LRP1B: variants seen among roughly 807,000 people sequenced by gnomAD.
LRP1B encodes low-density lipoprotein receptor-related protein 1B.
Under a neutral mutation model 556.6 loss-of-function variants are expected in LRP1B, and 217 were observed. The observed-to-expected ratio is 0.39, with a 90% CI of 0.35 to 0.44. The LOEUF (loss-of-function observed/expected upper bound fraction) is 0.44, where lower values mean the gene tolerates loss of function less well. Among genes scored for constraint, LRP1B ranks in the 20% least tolerant of loss-of-function variants. The pLI is 1.00. For synonymous variants in LRP1B, 2,047 were observed against 1,865.8 expected, an observed-to-expected ratio of 1.10 and a Z score of -2.50; for missense variants, 5,053 against 5,620.8, an observed-to-expected ratio of 0.90 and a Z score of 3.23.
intron 60 of LRP1B, among the ~76,000 whole-genome samples, chr2:140,467,896 T>G (rs1359567114): frequency 1.3e-5 from 2 of 152,104 alleles, no homozygotes; most frequent in Admixed American, 6.6e-5. Context: ...ATAACCAAAA[T>G]GAAAGCAGAA....
At chr2:140,516,622 T>G (rs1221271947) in intron 50 of LRP1B, among the ~76,000 whole-genome samples, 1 of 152,138 alleles carries the variant, frequency 6.6e-6, no homozygotes, top group Non-Finnish European at 1.5e-5. Context: ...GGTATAACTT[T>G]ATTATATCTA....
chr2:140,571,967 T>A (rs1044886364), intron 43 of LRP1B, among the ~76,000 whole-genome samples: 6 of 151,736 alleles, frequency 4.0e-5, no homozygotes, highest in Non-Finnish European at 4.4e-5. Flanking sequence ...ACTAGAACCT[T>A]GTATCTCATC....
At chr2:141,905,562 A>G (rs913638830) in intron 1 of LRP1B, among the ~76,000 whole-genome samples, 3 of 151,716 alleles carry the variant, frequency 2.0e-5, no homozygotes, top group African/African-American at 7.3e-5. Context: ...GAGAAATTGG[A>G]GATAAACTTA....
intron 7 of LRP1B, among the ~76,000 whole-genome samples, chr2:141,143,601 T>C (rs1701710801): frequency 6.6e-6 from 1 of 152,152 alleles, no homozygotes; most frequent in Non-Finnish European, 1.5e-5. Flanking sequence ...GAACATCCTA[T>C]TTTTCAAACA....
At chr2:140,990,609 G>T (rs1023070921) in intron 16 of LRP1B, among the ~76,000 whole-genome samples, 2 of 151,616 alleles carry the variant, frequency 1.3e-5, no homozygotes, top group African/African-American at 4.8e-5. Context: ...AAACAAACAT[G>T]CAACCACAGA....
At chr2:140,660,544 CT>C (rs1049138195) in intron 41 of LRP1B, among the ~76,000 whole-genome samples, 2 of 152,102 alleles carry the variant, frequency 1.3e-5, no homozygotes, top group African/African-American at 4.8e-5. Context: ...CAAAGAGCTC[CT>C]TTTCATATCT....
chr2:141,820,110 C>A (rs914991842), intron 1 of LRP1B, among the ~76,000 whole-genome samples: 13 of 152,066 alleles, frequency 8.5e-5, no homozygotes, highest in African/African-American at 3.1e-4. Context: ...AAAATTATAA[C>A]AACCATGAAA....
intron 67 of LRP1B, among the ~76,000 whole-genome samples, chr2:140,385,479 T>C (rs1268629374): frequency 1.3e-5 from 2 of 152,206 alleles, no homozygotes; most frequent in Non-Finnish European, 2.9e-5. Flanking sequence ...GATATTTCAC[T>C]GAAATATGCT....
At chr2:140,552,906 G>A (rs989468384) in intron 43 of LRP1B, among the ~76,000 whole-genome samples, 12 of 152,076 alleles carry the variant, frequency 7.9e-5, no homozygotes, top group South Asian at 4.1e-4. Context: ...ATTCATAGTC[G>A]CTAGTCACAT....
chr2:140,945,630 T>C (rs1170665777), intron 20 of LRP1B, among the ~76,000 whole-genome samples: 1 of 152,140 alleles, frequency 6.6e-6, no homozygotes, highest in Non-Finnish European at 1.5e-5. Context: ...ATTCAATAAA[T>C]GGCGTTGGGA....
At chr2:141,824,232 T>C (rs1574401991) in intron 1 of LRP1B, among the ~76,000 whole-genome samples, 1 of 152,190 alleles carries the variant, frequency 6.6e-6, no homozygotes, top group African/African-American at 2.4e-5. Context: ...TTTTATTCAA[T>C]GCTTACAAAA....
chr2:141,371,413 T>C (rs971088463), intron 3 of LRP1B, among the ~76,000 whole-genome samples: 1 of 152,118 alleles, frequency 6.6e-6, no homozygotes, highest in Non-Finnish European at 1.5e-5. Context: ...CTGTGAAAAA[T>C]GACATTGGTA....
intron 1 of LRP1B, among the ~76,000 whole-genome samples, chr2:142,000,149 G>A (rs2105134315): frequency 6.6e-6 from 1 of 152,150 alleles, no homozygotes; most frequent in East Asian, 1.9e-4. Context: ...AAGGCCTTAA[G>A]GACACATATT....
At chr2:141,275,426 T>C (rs1057212739) in intron 3 of LRP1B, among the ~76,000 whole-genome samples, 3 of 152,054 alleles carry the variant, frequency 2.0e-5, no homozygotes, top group South Asian at 2.1e-4. Context: ...ATACCAGTAA[T>C]GGTCGGGTGT....
chr2:141,346,770 T>A (rs569340734), intron 3 of LRP1B, among the ~76,000 whole-genome samples: 21 of 152,278 alleles, frequency 1.4e-4, no homozygotes, highest in Non-Finnish European at 2.4e-4. Flanking sequence ...AAGGCTTTTT[T>A]AAAATAGATG....
At chr2:140,744,482 A>T (rs1363162005) in intron 35 of LRP1B, among the ~76,000 whole-genome samples, 2 of 152,218 alleles carry the variant, frequency 1.3e-5, no homozygotes, top group African/African-American at 4.8e-5. Context: ...AGCAGAAGAC[A>T]TGAAGTCAAG....
chr2:140,344,290 G>T (rs1002411609), intron 77 of LRP1B, among the ~76,000 whole-genome samples: 2 of 151,640 alleles, frequency 1.3e-5, no homozygotes, highest in Non-Finnish European at 3.0e-5. Flanking sequence ...AAGTTAGGAG[G>T]CTACTGAACC....
intron 1 of LRP1B, among the ~76,000 whole-genome samples, chr2:141,919,570 T>C (rs907397175): frequency 6.6e-6 from 1 of 152,070 alleles, no homozygotes; most frequent in Non-Finnish European, 1.5e-5. Context: ...ATTTATTTTA[T>C]AAAAATTTAA....
intron 2 of LRP1B, among the ~76,000 whole-genome samples, chr2:141,792,321 A>C (rs773370519): frequency 6.6e-6 from 1 of 151,962 alleles, no homozygotes; most frequent in Non-Finnish European, 1.5e-5. Flanking sequence ...CAAAACTCAG[A>C]ATCTTGTCTA....
Sources: gnomAD v4.1 joint callset for allele counts (sites outside exome capture counted in the v4.1 genomes callset) on GRCh38, gnomAD v4.1.1 for gene constraint, MANE v1.5 for transcripts, NCBI Gene and HGNC (gene_info 2026-07-23, HGNC 2026-07-21) for gene names.